Variants in SH3PXD2A observed in about 807,000 individuals in gnomAD.
The protein encoded by SH3PXD2A is SH3 and PX domains 2A.
A neutral mutation model predicts 115.2 loss-of-function variants in SH3PXD2A; 32 were observed. The ratio of observed to expected loss-of-function variants is 0.28; its 90% confidence interval spans 0.21 to 0.37. The LOEUF is 0.37. Among genes scored for constraint, SH3PXD2A ranks in the 10% least tolerant of loss-of-function variants. The pLI is 1.00. For missense variants in SH3PXD2A, 1,328 were observed against 1,498.7 expected, an observed-to-expected ratio of 0.89 and a Z score of 1.88; for synonymous variants, 610 against 629.1, an observed-to-expected ratio of 0.97 and a Z score of 0.45.
At chr10:103,780,387 T>C (rs1404482684) in intron 2 of SH3PXD2A, among the ~76,000 whole-genome samples, 1 of 152,140 alleles carries the variant, frequency 6.6e-6, no homozygotes, top group Non-Finnish European at 1.5e-5. Context: ...TCCAAAGTCT[T>C]GTCAAAAGGA....
At chr10:103,808,702 C>T (rs558292084) in intron 1 of SH3PXD2A, among the ~76,000 whole-genome samples, 1 of 152,278 alleles carries the variant, frequency 6.6e-6, no homozygotes, top group East Asian at 1.9e-4. Flanking sequence ...TTATATCTGC[C>T]TTCGTTTGCT....
chr10:103,658,790 C>T (rs2037248508), intron 8 of SH3PXD2A, among the ~76,000 whole-genome samples: 1 of 152,212 alleles, frequency 6.6e-6, no homozygotes, highest in African/African-American at 2.4e-5. Context: ...GTTTCCCAGC[C>T]TTGGAGTTCA....
At chr10:103,750,208 T>C (rs566183387) in intron 3 of SH3PXD2A, among the ~76,000 whole-genome samples, 1 of 152,140 alleles carries the variant, frequency 6.6e-6, no homozygotes, top group African/African-American at 2.4e-5. Flanking sequence ...CATGATGCCA[T>C]GCCCAGCTAA....
intron 6 of SH3PXD2A, among the ~76,000 whole-genome samples, chr10:103,681,744 A>G (rs923418696): frequency 7.0e-6 from 1 of 143,282 alleles, no homozygotes; most frequent in African/African-American, 2.6e-5. Context: ...ACTCCATCAC[A>G]CACACACACG....
chr10:103,673,860 C>A (rs773502223), intron 6 of SH3PXD2A, among the ~76,000 whole-genome samples: 4 of 152,172 alleles, frequency 2.6e-5, no homozygotes, highest in Non-Finnish European at 4.4e-5. Context: ...AGGGCAGGGT[C>A]ACTAGCCTTG....
chr10:103,646,847 C>T (rs763163817), intron 8 of SH3PXD2A, among the ~76,000 whole-genome samples: 1 of 152,184 alleles, frequency 6.6e-6, no homozygotes, highest in Non-Finnish European at 1.5e-5. Context: ...CTGAATAAGG[C>T]CCAGCCTTTG....
intron 2 of SH3PXD2A, among the ~76,000 whole-genome samples, chr10:103,777,018 T>A: frequency 6.6e-6 from 1 of 152,248 alleles, no homozygotes; most frequent in South Asian, 2.1e-4. Context: ...TGAATCACAG[T>A]GGTGCTTGCA....
intron 13 of SH3PXD2A, among the ~76,000 whole-genome samples, chr10:103,610,846 T>G (rs1417137323): frequency 6.6e-6 from 1 of 152,234 alleles, no homozygotes; most frequent in Non-Finnish European, 1.5e-5. Context: ...CTGGCTTACC[T>G]ACAGTCTCTC....
chr10:103,841,488 C>G (rs2134317760), intron 1 of SH3PXD2A, among the ~76,000 whole-genome samples: 1 of 152,270 alleles, frequency 6.6e-6, no homozygotes, highest in African/African-American at 2.4e-5. Context: ...AGGGTCAAAC[C>G]CCAAGCAGTC....
In SH3PXD2A at chr10:103,603,709, A is replaced by C; in HGVS notation, c.1509T>G (p.Asp503Glu). ...KEGWAPASYI[D>E]KRKKPNLSRR... The stretch of plus-strand genomic sequence containing the variant: ...GGCTCAGGTTGGGCTTCTTGCGCTT[A>C]TCGATGTATGATGCGGGGGCCCAGC... The change falls in exon 15 of 15, where the codon GAT becomes GAG. Residue 503 changes from aspartate to glutamate, a missense_variant. By Grantham distance (45) the Asp-to-Glu change is conservative. This residue lies in a region of SH3PXD2A where 509 missense variants were observed against 628.3 expected (regional missense o/e 0.81). Coordinates refer to ENST00000369774, the MANE Select transcript of SH3PXD2A (RefSeq NM_001394015.1). The C allele has an allele frequency of 6.2e-7, 1 of 1,610,768 alleles. No homozygotes were observed. The highest frequency in any genetic ancestry group is 1.1e-5 in the South Asian group (1 of 90,998).
chr10:103,615,665 C>T (rs1309673719), intron 11 of SH3PXD2A, among the ~76,000 whole-genome samples: 2 of 151,998 alleles, frequency 1.3e-5, no homozygotes, highest in Non-Finnish European at 2.9e-5. Flanking sequence ...TTTTCTCAGT[C>T]CAAGCTCCTG....
rs981733135 is a variant in SH3PXD2A at position 103,618,074 on chromosome 10, G to A, written c.803-760C>T. ...AACATGCTGTGCCAACCACGCAGCC[G>A]AGGCCTAGCCCCTCTGGAGGGCAGC... is the stretch of plus-strand genomic sequence containing the variant. On this transcript the variant is annotated intron_variant, in intron 10 of 14. Transcript: ENST00000369774. 5.9e-5 allele frequency among the ~76,000 whole-genome samples: 9 copies of A among 152,350 alleles called. No individual in the cohort carries two copies. The South Asian group carries it at 1.9e-3, about 32-fold the overall frequency.
intron 6 of SH3PXD2A, among the ~76,000 whole-genome samples, chr10:103,685,287 T>G (rs2037662929): frequency 7.5e-6 from 1 of 133,184 alleles, no homozygotes; most frequent in African/African-American, 2.9e-5. Flanking sequence ...TGCAGTGAGC[T>G]GAGATTGTGC....
intron 2 of SH3PXD2A, among the ~76,000 whole-genome samples, chr10:103,798,840 CCA>C (rs748933865): frequency 3.7e-4 from 56 of 152,174 alleles, no homozygotes; most frequent in Non-Finnish European, 5.4e-4. Flanking sequence ...AGGGAGCTCA[CCA>C]CAGAGTGACG....
intron 6 of SH3PXD2A, 89 bp downstream of exon 6, chr10:103,692,939 G>T (rs1592304310): frequency 8.6e-6 from 5 of 580,628 alleles, no homozygotes; most frequent in African/African-American, 7.8e-5. Context: ...CCCCCTCCCC[G>T]CCCCCAAGAA....
At chr10:103,676,853 C>T (rs1193003784) in intron 6 of SH3PXD2A, among the ~76,000 whole-genome samples, 1 of 152,202 alleles carries the variant, frequency 6.6e-6, no homozygotes, top group Non-Finnish European at 1.5e-5. Flanking sequence ...CCACCTCCCT[C>T]CCTGGGGTGG....
chr10:103,834,622 C>T (rs1032747654), intron 1 of SH3PXD2A, among the ~76,000 whole-genome samples: 10 of 152,250 alleles, frequency 6.6e-5, no homozygotes, highest in Admixed American at 1.3e-4. Context: ...CCAACTGCTT[C>T]GGCATGGGCC....
chr10:103,701,597 GCATCCATCATCCATCCATCATC>G (rs1284859979), intron 5 of SH3PXD2A, among the ~76,000 whole-genome samples: 2 of 73,258 alleles, frequency 2.7e-5, no homozygotes, highest in African/African-American at 1.1e-4. Flanking sequence ...CATCCATCAT[GCATCCATCATCCATCCATCATC>G]CATCCATCCA....
At chr10:103,676,202 C>A (rs958412666) in intron 6 of SH3PXD2A, among the ~76,000 whole-genome samples, 1 of 152,238 alleles carries the variant, frequency 6.6e-6, no homozygotes, top group Admixed American at 6.5e-5. Flanking sequence ...CCAAGGCTTT[C>A]TTTATTTCTG....
Sources: gnomAD v4.1 joint callset for allele counts (sites outside exome capture counted in the v4.1 genomes callset) on GRCh38, gnomAD v4.1.1 for gene constraint, gnomAD v4.1.1 regional missense constraint, MANE v1.5 for transcripts, NCBI Gene and HGNC (gene_info 2026-07-23, HGNC 2026-07-21) for gene names.